Variants in CEP112 observed in about 807,000 individuals in gnomAD.
The protein encoded by CEP112 is centrosomal protein 112, also known as centrosomal protein of 112 kDa.
In CEP112, 127 loss-of-function variants were observed where a neutral mutation model predicts 153.0. The ratio of observed to expected loss-of-function variants is 0.83; its 90% CI spans 0.72 to 0.96. The LOEUF (loss-of-function observed/expected upper bound fraction) is 0.96, where lower values mean the gene tolerates loss of function less well. Among genes scored for constraint, CEP112 ranks in the 40% least tolerant of loss-of-function variants. CEP112 has a pLI of 0.00. For synonymous variants in CEP112, 358 were observed against 374.4 expected (o/e 0.96, Z 0.51); for missense variants, 1,089 against 1,101.2 (o/e 0.99, Z 0.16).
intron 21 of CEP112, among the ~76,000 whole-genome samples, chr17:65,778,666 T>C (rs985835142): frequency 6.6e-6 from 1 of 152,212 alleles, no homozygotes; most frequent in Non-Finnish European, 1.5e-5. Flanking sequence ...AAGATGGCTA[T>C]TTCTTTATCT....
At chr17:66,122,900 C>A (rs2069666465) in intron 6 of CEP112, among the ~76,000 whole-genome samples, 1 of 152,146 alleles carries the variant, frequency 6.6e-6, no homozygotes, top group Non-Finnish European at 1.5e-5. Flanking sequence ...GTAGGAACTA[C>A]CAGTCTCCTC....
intron 21 of CEP112, among the ~76,000 whole-genome samples, chr17:65,786,719 T>C (rs187382406): frequency 6.6e-6 from 1 of 152,054 alleles, no homozygotes; most frequent in East Asian, 1.9e-4. Flanking sequence ...CCTGAGTGGC[T>C]AGGACCACAG....
intron 16 of CEP112, among the ~76,000 whole-genome samples, chr17:66,014,018 C>G (rs2064657869): frequency 6.6e-6 from 1 of 152,230 alleles, no homozygotes; most frequent in African/African-American, 2.4e-5. Flanking sequence ...CACTGCAACA[C>G]AGCAGCAAGT....
At position 65,747,541 on chromosome 17, in the gene CEP112, A is replaced by G. The variant is rs150068175; in HGVS notation, c.2457+3121T>C. ...GCTGAGTGGGGAAAACTATATTAAT[A>G]TTGAAGAGGCAAGGTTAATACATAA... On this transcript the variant is annotated intron_variant, in intron 22 of 26. Transcript: ENST00000535342. Among the ~76,000 whole-genome samples, 744 of 152,338 alleles carry G rather than the reference A, an allele frequency of 4.9e-3. 3 individuals carry two copies. The highest frequency in any genetic ancestry group is 7.7e-3 in the Non-Finnish European group (527 of 68,038).
At chr17:65,669,702 G>A (rs1463655349) in intron 24 of CEP112, among the ~76,000 whole-genome samples, 1 of 152,264 alleles carries the variant, frequency 6.6e-6, no homozygotes, top group East Asian at 1.9e-4. Flanking sequence ...AGGAGATCGA[G>A]ACCATCCTGG....
At chr17:65,872,110 T>C (rs2058686458) in intron 20 of CEP112, among the ~76,000 whole-genome samples, 1 of 152,234 alleles carries the variant, frequency 6.6e-6, no homozygotes, top group African/African-American at 2.4e-5. Flanking sequence ...CATGGTAATA[T>C]TATTTGCCTC....
At chr17:65,766,801 T>C (rs889364064) in intron 21 of CEP112, among the ~76,000 whole-genome samples, 3 of 150,774 alleles carry the variant, frequency 2.0e-5, no homozygotes, top group Admixed American at 6.6e-5. Context: ...AAGTCACTAA[T>C]GATAAAGAGG....
At chr17:65,959,048 C>A (rs1442408288) in intron 18 of CEP112, among the ~76,000 whole-genome samples, 2 of 151,986 alleles carry the variant, frequency 1.3e-5, no homozygotes, top group Admixed American at 6.6e-5. Context: ...CAGAGAGGAG[C>A]AACTCATCCC....
At chr17:65,689,106 T>C in intron 24 of CEP112, 23 bp downstream of exon 24, 2 of 1,530,150 alleles carry the variant, frequency 1.3e-6, no homozygotes, top group Non-Finnish European at 1.8e-6. Flanking sequence ...AACAAGAGAG[T>C]CAAATAGTAA....
intron 4 of CEP112, among the ~76,000 whole-genome samples, chr17:66,156,047 GCCT>G (rs1165074760): frequency 3.3e-5 from 5 of 152,178 alleles, no homozygotes; most frequent in African/African-American, 1.2e-4. Context: ...GGGACAGGCT[GCCT>G]CCTCAAGTGG....
intron 6 of CEP112, among the ~76,000 whole-genome samples, chr17:66,118,110 T>C (rs1297141314): frequency 1.3e-5 from 2 of 152,086 alleles, no homozygotes; most frequent in Non-Finnish European, 2.9e-5. Context: ...GGTGGTTTCT[T>C]AAAAAATTAA....
intron 24 of CEP112, among the ~76,000 whole-genome samples, chr17:65,667,665 C>T (rs2046764748): frequency 6.6e-6 from 1 of 151,952 alleles, no homozygotes; most frequent in Non-Finnish European, 1.5e-5. Flanking sequence ...ATTTTAGGTA[C>T]AGGTATATAG....
Position 66,055,220 on chromosome 17 carries a change from A to T in CEP112, c.1075-1341T>A, listed in dbSNP as rs562504872. ...TGCAGGCAATAATTATGATAATTGT[A>T]CTGGTAAAGGTCTCAAGAACGCTTC... On this transcript the variant is annotated intron_variant, in intron 11 of 26. Transcript: ENST00000535342. Among the ~76,000 whole-genome samples, 8 of 152,296 alleles carry T rather than the reference A, an allele frequency of 5.3e-5. No homozygotes were observed. The East Asian group carries it at 9.6e-4, about 18-fold the overall frequency.
intron 5 of CEP112, among the ~76,000 whole-genome samples, chr17:66,131,908 C>A (rs1478118686): frequency 6.6e-6 from 1 of 152,084 alleles, no homozygotes; most frequent in East Asian, 1.9e-4. Context: ...GTGGCTCATG[C>A]CTGTAATCCC....
intron 8 of CEP112, among the ~76,000 whole-genome samples, chr17:66,081,848 G>C (rs2146178705): frequency 6.6e-6 from 1 of 152,290 alleles, no homozygotes; most frequent in South Asian, 2.1e-4. Flanking sequence ...CCAGGAGACA[G>C]AGATTATGGT....
At chr17:66,014,132 A>G (rs924545660) in intron 16 of CEP112, among the ~76,000 whole-genome samples, 1 of 152,242 alleles carries the variant, frequency 6.6e-6, no homozygotes, top group African/African-American at 2.4e-5. Context: ...ACATGTGCCA[A>G]TATGGCAATA....
At chr17:65,969,911 T>TACATACATATC in intron 17 of CEP112, among the ~76,000 whole-genome samples, 1 of 152,218 alleles carries the variant, frequency 6.6e-6, no homozygotes, top group Middle Eastern at 3.2e-3. Flanking sequence ...ACATGCATAT[T>TACATACATATC]ACATGCATAT....
At chr17:65,766,541 C>A (rs1173798015) in intron 21 of CEP112, among the ~76,000 whole-genome samples, 1 of 151,996 alleles carries the variant, frequency 6.6e-6, no homozygotes, top group Non-Finnish European at 1.5e-5. Context: ...CCTTAAATGT[C>A]AATAATTACA....
chr17:65,655,070 A>G, intron 24 of CEP112: 1 of 687,628 alleles, frequency 1.5e-6, no homozygotes, highest in Non-Finnish European at 2.8e-6. Flanking sequence ...ACCAAAACCT[A>G]TGATCATTGG....
Sources: gnomAD v4.1 joint callset for allele counts (sites outside exome capture counted in the v4.1 genomes callset) on GRCh38, gnomAD v4.1.1 for gene constraint, MANE v1.5 for transcripts, NCBI Gene and HGNC (gene_info 2026-07-23, HGNC 2026-07-21) for gene names.